MYO15B: variants seen among roughly 807,000 people sequenced by gnomAD.
MYO15B encodes myosin XVB, also known as myosin XVB pseudogene.
Under a neutral mutation model 119.3 loss-of-function variants are expected in MYO15B, and 207 were observed. That is an observed-to-expected ratio of 1.73 (90% CI 1.55 to 1.95). The LOEUF (loss-of-function observed/expected upper bound fraction) is 1.95. MYO15B is among the 30% of genes most tolerant of loss of function. The pLI is 0.00. For synonymous variants in MYO15B, 966 were observed against 498.9 expected, an observed-to-expected ratio of 1.94 and a Z score of -12.48; for missense variants, 2,264 against 1,203.1, an observed-to-expected ratio of 1.88 and a Z score of -13.04.
chr17:75,620,701 T>G, intron 49 of MYO15B, 65 bp downstream of exon 49: 1 of 689,486 alleles, frequency 1.5e-6, no homozygotes, highest in Non-Finnish European at 2.7e-6. Context: ...AGGAAAGGGG[T>G]TTGACCACTC....
In MYO15B at chr17:75,614,744, A is replaced by G. The variant is rs368705306; in HGVS notation, c.5483-29A>G. Reference sequence around the variant, plus strand: ...CATGGGAAGCCCCACGCCCCGGGCCATGGCTCCAACCCTCTCCCTGCCCCA... The same window carrying G: ...CATGGGAAGCCCCACGCCCCGGGCCGTGGCTCCAACCCTCTCCCTGCCCCA... On this transcript the variant is annotated intron_variant, in intron 31 of 63. Transcript: ENST00000645453. 2.2e-4 allele frequency: 153 copies of G among 702,704 alleles called. 1 individual carries two copies. The Middle Eastern group carries it at 2.3e-3, about 11-fold the overall frequency. The allele number at this position is 702,704 out of a possible 1,614,324, so 43.5% of individuals were successfully genotyped here. A position where few individuals can be genotyped will look rare whatever the true frequency, so the allele number is the denominator to read the frequency against.
intron 23 of MYO15B, 119 bp downstream of exon 23, chr17:75,611,078 A>G (rs956247354): frequency 1.5e-6 from 1 of 680,426 alleles, no homozygotes; most frequent in East Asian, 2.7e-5. Context: ...CATGCATTGC[A>G]CCTCCTGAGA....
chr17:75,617,607 C>G, intron 41 of MYO15B: 1 of 589,376 alleles, frequency 1.7e-6, no homozygotes, highest in East Asian at 2.8e-5. Flanking sequence ...CATAGAAGAC[C>G]CACGAGCCTC....
At chr17:75,612,122 T>C (rs820140) in intron 25 of MYO15B, 106 bp downstream of exon 25, 318,348 of 646,436 alleles carry the variant, frequency 0.49, 81,738 homozygotes, top group African/African-American at 0.7. Context: ...TTGCCCTCCT[T>C]CCTCCCCAGC....
chr17:75,612,432 G>A (rs2147981545), intron 25 of MYO15B, among the ~76,000 whole-genome samples: 1 of 152,268 alleles, frequency 6.6e-6, no homozygotes, highest in African/African-American at 2.4e-5. Context: ...AGCACTTTTG[G>A]GAGGCCGAGG....
At chr17:75,604,987 A>G (rs184968648) in intron 19 of MYO15B, among the ~76,000 whole-genome samples, 28 of 151,998 alleles carry the variant, frequency 1.8e-4, no homozygotes, top group African/African-American at 6.8e-4. Flanking sequence ...AAAATACAAA[A>G]TCAGCTGGGC....
chr17:75,617,887 A>G (rs1487927954), exon 42 of MYO15B: 2 of 702,604 alleles, frequency 2.8e-6, no homozygotes, highest in African/African-American at 3.5e-5. Flanking sequence ...CTTCTCCTAC[A>G]CCGGCACGCC....
At chr17:75,595,392 C>G (rs2056790664) in intron 12 of MYO15B, among the ~76,000 whole-genome samples, 1 of 152,168 alleles carries the variant, frequency 6.6e-6, no homozygotes, top group African/African-American at 2.4e-5. Flanking sequence ...AAGCCCCAGC[C>G]CTGGCCCGTG....
In MYO15B at chr17:75,619,274, C is replaced by T. The variant is rs576657660; in HGVS notation, c.7063+56C>T. 1.2e-4 allele frequency: 83 copies of T among 702,540 alleles called. 1 individual carries two copies. The highest frequency in any genetic ancestry group is 1.2e-3 in the South Asian group (78 of 67,590). 43.5% of individuals were successfully genotyped at this position (702,540 alleles called of 1,614,324 possible). ...CTTGAGTGCTGGGGGCCGCGCCTGC[C>T]CTGAAGGAGGGAGCAGCATGGGAGC... On this transcript the variant is annotated intron_variant, in intron 44 of 63. Transcript: ENST00000645453.
Position 75,605,886 on chromosome 17 carries a change from G to A in MYO15B, c.4157G>A (p.Trp1386Ter). Reference sequence around the variant, plus strand: ...CAGGTCCTGCTGCAGGAGCAGGGCTGGCAGCGGCTGGAGGAGCTCCGGGAC... The same window carrying A: ...CAGGTCCTGCTGCAGGAGCAGGGCTAGCAGCGGCTGGAGGAGCTCCGGGAC... Residue 1386 changes from tryptophan to a stop codon, truncating the protein, a stop_gained, in exon 21 of 64, where the codon TGG becomes TAG. Transcript: ENST00000645453. LOFTEE classifies it high-confidence loss of function. 1 of 700,050 alleles carries A rather than the reference G, an allele frequency of 1.4e-6. No individual in the cohort carries two copies. The allele number at this position is 700,050 out of a possible 1,614,324, so 43.4% of individuals were successfully genotyped here. A position where few individuals can be genotyped will look rare whatever the true frequency, so the allele number is the denominator to read the frequency against.
At chr17:75,626,023 T>A (rs1481832718) in intron 62 of MYO15B, 46 bp downstream of exon 62, 1 of 697,622 alleles carries the variant, frequency 1.4e-6, no homozygotes, top group East Asian at 2.7e-5. Context: ...ACCCTTGGGC[T>A]GTTCCATCAC....
At chr17:75,621,263 C>T in intron 50 of MYO15B, 82 bp from the exon 51 acceptor site, 1 of 662,298 alleles carries the variant, frequency 1.5e-6, no homozygotes, top group South Asian at 1.6e-5. Flanking sequence ...GGGCTGTGCT[C>T]TTAGCACTCT....
intron 6 of MYO15B, 48 bp downstream of exon 6, chr17:75,592,128 G>A (rs760952941): frequency 2.6e-5 from 18 of 701,970 alleles, no homozygotes; most frequent in Non-Finnish European, 4.4e-5. Flanking sequence ...TACCCTTCCT[G>A]GGTCCTTGGG....
chr17:75,590,125 C>G (rs933792962), exon 1 of MYO15B: 7 of 398,948 alleles, frequency 1.8e-5, no homozygotes, highest in African/African-American at 1.4e-4. Flanking sequence ...CGAGGCGGTG[C>G]TGGAGAGGGA....
chr17:75,602,490 C>T (rs1376740744), intron 15 of MYO15B, 27 bp from the exon 16 acceptor site: 1 of 703,010 alleles, frequency 1.4e-6, no homozygotes, highest in Non-Finnish European at 2.6e-6. Flanking sequence ...TCTCCACTTC[C>T]CTCCCCACCT....
intron 6 of MYO15B, 61 bp downstream of exon 6, chr17:75,592,141 G>GCTTCC: frequency 1.4e-6 from 1 of 701,610 alleles, no homozygotes; most frequent in Non-Finnish European, 2.6e-6. Context: ...TCCTTGGGCT[G>GCTTCC]CTTCCCTGGG....
intron 12 of MYO15B, 94 bp from the exon 13 acceptor site, chr17:75,596,366 A>G: frequency 1.5e-6 from 1 of 662,136 alleles, no homozygotes; most frequent in South Asian, 1.6e-5. Flanking sequence ...CCTGGGTATT[A>G]CTCATCCCTG....
At chr17:75,614,246 G>A (rs1279767312) in exon 30 of MYO15B, 1 of 702,742 alleles carries the variant, frequency 1.4e-6, no homozygotes, top group African/African-American at 1.7e-5. Context: ...CTGCACTCCA[G>A]GGACGCATGG....
exon 55 of MYO15B, chr17:75,623,951 A>G (rs1175673560): frequency 5.7e-6 from 4 of 702,862 alleles, no homozygotes; most frequent in Non-Finnish European, 1.0e-5. Flanking sequence ...CCCTGCAGGG[A>G]ACACTGCACT....
Sources: gnomAD v4.1 joint callset for allele counts (sites outside exome capture counted in the v4.1 genomes callset) on GRCh38, gnomAD v4.1.1 for gene constraint, MANE v1.5 for transcripts, NCBI Gene and HGNC (gene_info 2026-07-23, HGNC 2026-07-21) for gene names.